Variants in PTK2 observed in about 807,000 individuals in gnomAD.
PTK2 encodes the protein focal adhesion kinase 1.
Under a neutral mutation model 150.1 loss-of-function variants are expected in PTK2, and 45 were observed. The ratio of observed to expected loss-of-function variants is 0.30; its 90% confidence interval spans 0.24 to 0.38. PTK2 has a LOEUF of 0.38. Among genes scored for constraint, PTK2 ranks in the 10% least tolerant of loss-of-function variants. PTK2 has a pLI of 1.00. For synonymous variants in PTK2, 432 were observed against 449.2 expected, an observed-to-expected ratio of 0.96 and a Z score of 0.48; for missense variants, 919 against 1,307.3, an observed-to-expected ratio of 0.70 and a Z score of 4.58.
intron 29 of PTK2, 97 bp from the exon 33 acceptor site, chr8:140,669,832 C>T: frequency 5.3e-6 from 7 of 1,309,920 alleles, no homozygotes; most frequent in Non-Finnish European, 7.4e-6. Flanking sequence ...ACAAATCCCC[C>T]ATAAAAACAC....
chr8:140,702,128 C>CAG (rs2100030868), intron 25 of PTK2, among the ~76,000 whole-genome samples: 1 of 42,714 alleles, frequency 2.3e-5, no homozygotes, highest in African/African-American at 9.0e-5. Context: ...ACTCTGTCTC[C>CAG]AAAAAAAAAA....
intron 22 of PTK2, among the ~76,000 whole-genome samples, chr8:140,719,985 C>T (rs762900721): frequency 4.0e-5 from 6 of 151,658 alleles, no homozygotes; most frequent in Non-Finnish European, 8.8e-5. Flanking sequence ...GTGATGAGCA[C>T]TAGAGAAGAG....
intron 2 of PTK2, among the ~76,000 whole-genome samples, chr8:140,900,670 C>T (rs1439254952): frequency 2.0e-5 from 3 of 151,272 alleles, no homozygotes; most frequent in Non-Finnish European, 4.4e-5. Context: ...TGCAGTGAGC[C>T]GAGATCGTGC....
At chr8:140,927,954 AAAAG>A (rs1569053186) in intron 1 of PTK2, among the ~76,000 whole-genome samples, 24 of 85,012 alleles carry the variant, frequency 2.8e-4, no homozygotes, top group African/African-American at 7.6e-4. Context: ...AAAAAAAAAA[AAAAG>A]AAAAAAAAAA....
At chr8:140,971,175 T>C (rs1278292913) in intron 1 of PTK2, among the ~76,000 whole-genome samples, 1 of 152,148 alleles carries the variant, frequency 6.6e-6, no homozygotes, top group East Asian at 1.9e-4. Flanking sequence ...CAATCTGAAG[T>C]GGAATCTACT....
intron 7 of PTK2, among the ~76,000 whole-genome samples, chr8:140,843,688 A>G (rs2100123617): frequency 6.6e-6 from 1 of 152,050 alleles, no homozygotes; most frequent in Non-Finnish European, 1.5e-5. Flanking sequence ...CAATTCTCCC[A>G]TCAGGTTTTT....
intron 14 of PTK2, among the ~76,000 whole-genome samples, chr8:140,787,344 C>T (rs2100085551): frequency 6.6e-6 from 1 of 152,180 alleles, no homozygotes; most frequent in Non-Finnish European, 1.5e-5. Flanking sequence ...AACAAGAAAA[C>T]TATCTTATAG....
chr8:140,683,524 C>A (rs978489970), intron 27 of PTK2, among the ~76,000 whole-genome samples: 5 of 152,070 alleles, frequency 3.3e-5, no homozygotes, highest in Non-Finnish European at 7.4e-5. Context: ...CATTCTGAGT[C>A]CCAAACCTGG....
chr8:140,712,053 C>T (rs565389623), intron 23 of PTK2, among the ~76,000 whole-genome samples: 7 of 152,006 alleles, frequency 4.6e-5, no homozygotes, highest in Non-Finnish European at 8.8e-5. Flanking sequence ...TTTCAGGACC[C>T]CTTTACAGTC....
intron 14 of PTK2, among the ~76,000 whole-genome samples, chr8:140,782,359 C>T (rs1041563183): frequency 6.6e-6 from 1 of 151,720 alleles, no homozygotes; most frequent in African/African-American, 2.4e-5. Context: ...ATCCTCCTAC[C>T]TCAGCCTTCT....
intron 14 of PTK2, among the ~76,000 whole-genome samples, chr8:140,772,983 T>C (rs2100076377): frequency 1.3e-5 from 2 of 152,218 alleles, no homozygotes; most frequent in African/African-American, 4.8e-5. Flanking sequence ...AATGGGGTTA[T>C]AACAGAAGCT....
intron 1 of PTK2, among the ~76,000 whole-genome samples, chr8:140,989,663 C>T (rs969287599): frequency 1.1e-4 from 17 of 152,020 alleles, no homozygotes; most frequent in Non-Finnish European, 2.4e-4. Context: ...AATCCCAGCA[C>T]TTTGGGAGGC....
At chr8:140,893,996 T>C (rs747438581) in intron 2 of PTK2, among the ~76,000 whole-genome samples, 1 of 152,184 alleles carries the variant, frequency 6.6e-6, no homozygotes, top group Non-Finnish European at 1.5e-5. Context: ...ATTCCACTTC[T>C]AGGAATTTAT....
At chr8:140,800,804 G>A (rs2100094593) in intron 11 of PTK2, among the ~76,000 whole-genome samples, 1 of 152,122 alleles carries the variant, frequency 6.6e-6, no homozygotes, top group Admixed American at 6.5e-5. Context: ...CACTTAAACT[G>A]GGGCTCACTT....
At chr8:140,904,594 C>G (rs534090787) in intron 2 of PTK2, among the ~76,000 whole-genome samples, 1 of 152,202 alleles carries the variant, frequency 6.6e-6, no homozygotes, top group South Asian at 2.1e-4. Flanking sequence ...CTTTGTACCT[C>G]TGGTAGAATT....
intron 1 of PTK2, among the ~76,000 whole-genome samples, chr8:140,964,891 T>C (rs1048452831): frequency 7.9e-5 from 12 of 152,154 alleles, no homozygotes; most frequent in African/African-American, 2.9e-4. Context: ...CTACATATTC[T>C]TTGCTCCCAA....
At chr8:140,958,651 T>C (rs2100182050) in intron 1 of PTK2, among the ~76,000 whole-genome samples, 1 of 152,218 alleles carries the variant, frequency 6.6e-6, no homozygotes, top group Non-Finnish European at 1.5e-5. Context: ...AAGTGTAAAA[T>C]ACACACTGAA....
At chr8:140,818,511 T>C (rs551878607) in intron 9 of PTK2, among the ~76,000 whole-genome samples, 157 bp from the exon 10 acceptor site, 32 of 152,238 alleles carry the variant, frequency 2.1e-4, no homozygotes, top group Non-Finnish European at 4.1e-4. Flanking sequence ...TATAACTTCA[T>C]TGACCCAGGA....
chr8:140,902,924 G>GTTTTTTTTTTTTTTTTTTTTTTTT (rs61261890), intron 2 of PTK2, among the ~76,000 whole-genome samples: 1 of 58,964 alleles, frequency 1.7e-5, no homozygotes, highest in East Asian at 3.9e-4. Context: ...GATGAGAGTT[G>GTTTTTTTTTTTTTTTTTTTTTTTT]TTTTTTTTTT....
Sources: allele counts gnomAD v4.1 joint callset (sites outside exome capture counted in the v4.1 genomes callset), GRCh38; gene constraint gnomAD v4.1.1; transcripts MANE v1.5; gene names NCBI Gene and HGNC (gene_info 2026-07-23, HGNC 2026-07-21).